The following DGKI variants were observed in gnomAD, a reference collection of about 807,000 sequenced individuals.
DGKI encodes the protein DAG kinase iota.
Under a neutral mutation model 147.5 loss-of-function variants are expected in DGKI, and 55 were observed. The observed-to-expected ratio is 0.37, with a 90% CI of 0.30 to 0.47. The LOEUF (loss-of-function observed/expected upper bound fraction) is 0.47, where lower values mean the gene tolerates loss of function less well. DGKI is among the 20% of genes least tolerant of loss of function. The probability of loss-of-function intolerance (pLI) is 1.00; values close to 1 mark genes in which losing one functional copy is unlikely to be tolerated. For synonymous variants in DGKI, 469 were observed against 477.1 expected (o/e 0.98, Z 0.22); for missense variants, 1,007 against 1,323.8 (o/e 0.76, Z 3.71).
intron 1 of DGKI, among the ~76,000 whole-genome samples, chr7:137,754,087 G>C (rs1795602996): frequency 6.6e-6 from 1 of 152,116 alleles, no homozygotes; most frequent in Non-Finnish European, 1.5e-5. Context: ...GGTCATGGGG[G>C]GTTATGTAAA....
intron 1 of DGKI, among the ~76,000 whole-genome samples, chr7:137,753,139 G>C (rs1462399998): frequency 2.0e-5 from 3 of 152,076 alleles, no homozygotes; most frequent in African/African-American, 7.2e-5. Flanking sequence ...TCCCCATGAG[G>C]TCCCTAAATA....
intron 22 of DGKI, 88 bp downstream of exon 22, chr7:137,487,522 A>G: frequency 1.7e-6 from 2 of 1,189,344 alleles, no homozygotes; most frequent in Non-Finnish European, 1.3e-6. Flanking sequence ...CTCCAAATGC[A>G]TCATTTCAGA....
chr7:137,763,786 T>C, intron 1 of DGKI, among the ~76,000 whole-genome samples: 1 of 152,236 alleles, frequency 6.6e-6, no homozygotes. Context: ...ACCTTCCTCA[T>C]CCAGAGAGAA....
At chr7:137,669,687 C>T (rs955423068) in intron 3 of DGKI, among the ~76,000 whole-genome samples, 2 of 152,120 alleles carry the variant, frequency 1.3e-5, no homozygotes, top group Non-Finnish European at 2.9e-5. Context: ...AAATAAGACA[C>T]ATGCATTTTG....
At chr7:137,838,022 T>A (rs1012531536) in intron 1 of DGKI, among the ~76,000 whole-genome samples, 2 of 147,618 alleles carry the variant, frequency 1.4e-5, no homozygotes, top group East Asian at 2.0e-4. Context: ...TTTTTTTTTT[T>A]AGACAGAGTC....
intron 1 of DGKI, among the ~76,000 whole-genome samples, chr7:137,728,690 A>C (rs1308215611): frequency 6.6e-6 from 1 of 152,154 alleles, no homozygotes; most frequent in Non-Finnish European, 1.5e-5. Flanking sequence ...CAGTGCTCAG[A>C]CAGATATCAC....
At chr7:137,392,085 C>A (rs942912484) in intron 32 of DGKI, among the ~76,000 whole-genome samples, 2 of 152,164 alleles carry the variant, frequency 1.3e-5, no homozygotes, top group Non-Finnish European at 2.9e-5. Flanking sequence ...AACCACAATT[C>A]ATTTACATAC....
Position 137,733,826 on chromosome 7 carries a change from T to G in DGKI, c.402-43824A>C, listed in dbSNP as rs533496057. Among the ~76,000 whole-genome samples the G allele has an allele frequency of 3.0e-3, 457 of 152,210 alleles. 3 individuals carry two copies. The highest frequency in any genetic ancestry group is 0.01 in the African/African-American group (432 of 41,538). On this transcript the variant is annotated intron_variant, in intron 1 of 32. Transcript: ENST00000614521. ...CAGACCTCATCGAAAGGGTGGCCTC[T>G]GAGCAATGATTTGTAAGGAGGTAAG...
At chr7:137,468,179 T>A (rs986184550) in intron 24 of DGKI, among the ~76,000 whole-genome samples, 18 of 152,110 alleles carry the variant, frequency 1.2e-4, no homozygotes, top group African/African-American at 3.4e-4. Flanking sequence ...GCGACAGAAC[T>A]AAGAAACCAG....
At chr7:137,549,235 T>C (rs1340418500) in intron 20 of DGKI, among the ~76,000 whole-genome samples, 2 of 152,152 alleles carry the variant, frequency 1.3e-5, no homozygotes, top group Non-Finnish European at 2.9e-5. Flanking sequence ...GACATTAAGG[T>C]AAAAATGTCA....
chr7:137,466,744 G>A (rs549846195), intron 25 of DGKI, among the ~76,000 whole-genome samples, 158 bp downstream of exon 25: 4 of 152,116 alleles, frequency 2.6e-5, no homozygotes, highest in African/African-American at 4.8e-5. Context: ...CATAAAACAC[G>A]TGAAGACAAA....
intron 19 of DGKI, among the ~76,000 whole-genome samples, chr7:137,553,164 T>C (rs1818110320): frequency 1.3e-5 from 2 of 152,230 alleles, no homozygotes; most frequent in African/African-American, 2.4e-5. Context: ...AATACAAAGC[T>C]TTTTCTTTGT....
intron 1 of DGKI, among the ~76,000 whole-genome samples, chr7:137,789,314 AT>A (rs1251488500): frequency 2.3e-4 from 35 of 152,104 alleles, no homozygotes; most frequent in Non-Finnish European, 5.9e-5. Context: ...TTTAAAAAAA[AT>A]AAAATAAAAA....
intron 19 of DGKI, among the ~76,000 whole-genome samples, chr7:137,555,617 A>C (rs901867948): frequency 6.6e-6 from 1 of 152,274 alleles, no homozygotes; most frequent in Non-Finnish European, 1.5e-5. Context: ...GAAAACAATA[A>C]ATCGAAAAAC....
chr7:137,633,068 C>T (rs920261745), intron 6 of DGKI, among the ~76,000 whole-genome samples: 2 of 151,610 alleles, frequency 1.3e-5, no homozygotes, highest in Admixed American at 6.6e-5. Flanking sequence ...CAAAATTACT[C>T]GGGCGTGGTG....
chr7:137,623,524 T>A lies in DGKI; in HGVS notation c.835A>T (p.Lys279Ter), dbSNP rs1039666453. Reference sequence around the variant, plus strand: ...GAACAGCTGATAGCCACAATCTCTTTACTGTGGAAGGAGAACTTTTGCTGG... The same window carrying A: ...GAACAGCTGATAGCCACAATCTCTTAACTGTGGAAGGAGAACTTTTGCTGG... ...GFQQKFSFHS[K>*]EIVAISCSWC... is the part of the protein sequence containing the mutation. The change falls in exon 7 of 33, where the codon AAA becomes TAA. Residue 279 changes from lysine to a stop codon, truncating the protein, a stop_gained. Transcript: ENST00000614521. LOFTEE classifies it high-confidence loss of function. The A allele has an allele frequency of 6.2e-7, 1 of 1,613,974 alleles. No individual in the cohort carries two copies. The highest frequency in any genetic ancestry group is 8.5e-7 in the Non-Finnish European group (1 of 1,179,952).
At position 137,391,147 on chromosome 7, in the gene DGKI, A is replaced by C; in HGVS notation, c.*73T>G. The C allele has an allele frequency of 2.7e-6, 3 of 1,127,864 alleles. No homozygotes were observed. In the Admixed American group the frequency reaches 5.1e-5, roughly 19 times the overall value. The allele number at this position is 1,127,864 out of a possible 1,614,324, so 69.9% of individuals were successfully genotyped here. ...TATATGAATTCCATCAGCTTCTTCC[A>C]GGGGAGCTGCCCAATTGCAGGGAGG... On this transcript the variant is annotated 3_prime_UTR_variant, in exon 33 of 33. Coordinates refer to ENST00000614521, the MANE Select transcript of DGKI (RefSeq NM_001321708.2).
chr7:137,509,580 A>C lies in DGKI; in HGVS notation c.2248+12286T>G, dbSNP rs552269813. The stretch of plus-strand genomic sequence containing the variant: ...CCTGCTGAGCTGGAGAGAGCAAAAA[A>C]GAGCAAAGAAGGCGGCAGCAGAGAG... On this transcript the variant is annotated intron_variant, in intron 21 of 32. Transcript: ENST00000614521. Among the ~76,000 whole-genome samples the C allele has an allele frequency of 1.3e-3, 191 of 152,330 alleles. 1 individual carries two copies. The highest frequency in any genetic ancestry group is 4.5e-3 in the African/African-American group (188 of 41,582).
At chr7:137,845,668 A>G (rs559732909) in intron 1 of DGKI, among the ~76,000 whole-genome samples, 36 of 152,232 alleles carry the variant, frequency 2.4e-4, no homozygotes, top group African/African-American at 7.7e-4. Flanking sequence ...TTCTAATACA[A>G]TGTGGGGTTA....
Sources: gnomAD v4.1 joint callset for allele counts (sites outside exome capture counted in the v4.1 genomes callset) on GRCh38, gnomAD v4.1.1 for gene constraint, MANE v1.5 for transcripts, NCBI Gene and HGNC (gene_info 2026-07-23, HGNC 2026-07-21) for gene names.